Variants in COL26A1 observed in about 807,000 individuals in gnomAD.
COL26A1 encodes the protein collagen type XXVI alpha 1 chain, also known as collagen alpha-1(XXVI) chain.
COL26A1 carries 41 observed loss-of-function variants against 59.3 expected under a neutral mutation model. That is an observed-to-expected ratio of 0.69 (90% CI 0.54 to 0.90). The LOEUF (loss-of-function observed/expected upper bound fraction) is 0.90. Ranked by LOEUF, COL26A1 falls within the 40% of genes least tolerant of loss-of-function variation. COL26A1 has a pLI of 0.00. For missense variants in COL26A1, 612 were observed against 602.3 expected (o/e 1.02, Z -0.17); for synonymous variants, 266 against 256.0 (o/e 1.04, Z -0.37).
intron 3 of COL26A1, among the ~76,000 whole-genome samples, chr7:101,464,753 T>C (rs964683743): frequency 6.6e-6 from 1 of 151,994 alleles, no homozygotes; most frequent in Non-Finnish European, 1.5e-5. Context: ...TTGGAGACAG[T>C]GTCTTGCTCG....
At chr7:101,420,190 G>A (rs1792479451) in intron 2 of COL26A1, 91 bp downstream of exon 2, 1 of 1,503,912 alleles carries the variant, frequency 6.6e-7, no homozygotes, top group Non-Finnish European at 9.1e-7. Flanking sequence ...AGGCTGGGCT[G>A]TGCTCACAGA....
Position 101,483,767 on chromosome 7 carries a change from C to T in COL26A1, c.385+35980C>T, listed in dbSNP as rs192129369. ...TCAGCTCACTGCAACCTCCACCTCC[C>T]GGGTTCAAGTGGTTCTCCTGCCTCA... is the stretch of plus-strand genomic sequence containing the variant. On this transcript the variant is annotated intron_variant, in intron 3 of 12. Transcript: ENST00000313669. Among the ~76,000 whole-genome samples, 22 of 151,282 alleles carry T rather than the reference C, an allele frequency of 1.5e-4. No homozygotes were observed. The East Asian group carries it at 3.9e-3, about 27-fold the overall frequency.
At chr7:101,365,819 G>C (rs10953335) in intron 1 of COL26A1, among the ~76,000 whole-genome samples, 86,939 of 150,456 alleles carry the variant, frequency 0.58, 26,447 homozygotes, top group African/African-American at 0.79. Context: ...GGTGTGGGAA[G>C]GAAAAAAAAA....
intron 3 of COL26A1, among the ~76,000 whole-genome samples, chr7:101,473,078 T>G (rs1438749546): frequency 6.7e-6 from 1 of 148,326 alleles, no homozygotes; most frequent in Non-Finnish European, 1.5e-5. Flanking sequence ...GGTTGCATCT[T>G]TTTTTTTTTC....
intron 3 of COL26A1, among the ~76,000 whole-genome samples, chr7:101,473,594 G>A (rs1584439415): frequency 1.3e-5 from 2 of 148,334 alleles, no homozygotes; most frequent in South Asian, 2.1e-4. Context: ...AGGCAACAGA[G>A]CAACACCTTG....
At chr7:101,368,701 G>A (rs1430310368) in intron 1 of COL26A1, among the ~76,000 whole-genome samples, 1 of 152,164 alleles carries the variant, frequency 6.6e-6, no homozygotes, top group Non-Finnish European at 1.5e-5. Context: ...TGGTGAGTGA[G>A]TCTTATGGGG....
intron 1 of COL26A1, among the ~76,000 whole-genome samples, chr7:101,382,016 G>A (rs1385775934): frequency 6.6e-6 from 1 of 152,054 alleles, no homozygotes; most frequent in Non-Finnish European, 1.5e-5. Flanking sequence ...ATTAGAGCAT[G>A]GATTTTCCAT....
intron 3 of COL26A1, among the ~76,000 whole-genome samples, chr7:101,509,313 G>C (rs909634397): frequency 1.3e-5 from 2 of 151,888 alleles, no homozygotes; most frequent in African/African-American, 4.8e-5. Flanking sequence ...AGACGTGGTA[G>C]CAGGCGCCTG....
At chr7:101,378,449 GA>G (rs2117023247) in intron 1 of COL26A1, among the ~76,000 whole-genome samples, 1 of 152,244 alleles carries the variant, frequency 6.6e-6, no homozygotes, top group South Asian at 2.1e-4. Context: ...TTGAACCGGG[GA>G]GGCAGAGGTT....
In COL26A1 at chr7:101,441,887, C is replaced by T. The variant is rs543513035; in HGVS notation, c.282-5797C>T. On this transcript the variant is annotated intron_variant, in intron 2 of 12. Transcript: ENST00000313669. ...CATCCATGCACCCCTCCTGCACTCACAGCCTTACACCAGGCATCCTGGTCT... is the reference window on the plus strand; with the variant it reads ...CATCCATGCACCCCTCCTGCACTCATAGCCTTACACCAGGCATCCTGGTCT... Among the ~76,000 whole-genome samples the T allele has an allele frequency of 2.0e-5, 3 of 152,296 alleles. No homozygotes were observed. The South Asian group carries it at 6.2e-4, about 32-fold the overall frequency.
chr7:101,547,188 G>T lies in COL26A1; in HGVS notation c.889G>T (p.Asp297Tyr). Residue 297 changes from aspartate to tyrosine, a missense_variant, in exon 8 of 13, where the codon GAC (aspartate) becomes TAC (tyrosine). Asp to Tyr is a radical substitution (Grantham distance 160, BLOSUM62 -3). Transcript: ENST00000313669. ...CTCAAGGCTGGCCTCTGCCATCGTG[G>T]ACACAGTGCTGGCAGGTGTCCCAGG... Reference protein sequence around the residue: ...GDSRLASAIVDTVLAGVPGPR... With the variant: ...GDSRLASAIVYTVLAGVPGPR... 6.3e-7 allele frequency: 1 copy of T among 1,599,388 alleles called. No homozygotes were observed.
chr7:101,468,391 C>T (rs1793815414), intron 3 of COL26A1, among the ~76,000 whole-genome samples: 1 of 152,176 alleles, frequency 6.6e-6, no homozygotes, highest in African/African-American at 2.4e-5. Context: ...CACTATCTGC[C>T]TAAAGAATTT....
chr7:101,427,138 G>A (rs1391239237), intron 2 of COL26A1, among the ~76,000 whole-genome samples: 1 of 152,158 alleles, frequency 6.6e-6, no homozygotes, highest in Non-Finnish European at 1.5e-5. Flanking sequence ...AGCTCACTTT[G>A]GCCTCGAATG....
chr7:101,395,569 G>A (rs1172973834), intron 1 of COL26A1, among the ~76,000 whole-genome samples: 2 of 152,202 alleles, frequency 1.3e-5, no homozygotes, highest in Admixed American at 6.5e-5. Context: ...AGCGGGGCTG[G>A]AGGGAAAATG....
chr7:101,456,325 C>CCTCA (rs1264668452), intron 3 of COL26A1, among the ~76,000 whole-genome samples: 1 of 151,694 alleles, frequency 6.6e-6, no homozygotes, highest in Non-Finnish European at 1.5e-5. Flanking sequence ...AATCCTCCTA[C>CCTCA]CTCAGCCTCC....
chr7:101,385,292 G>A (rs895081186), intron 1 of COL26A1, among the ~76,000 whole-genome samples: 1 of 149,920 alleles, frequency 6.7e-6, no homozygotes, highest in Non-Finnish European at 1.5e-5. Context: ...TAGTATGTGT[G>A]TGTATATACG....
intron 1 of COL26A1, among the ~76,000 whole-genome samples, chr7:101,415,269 C>T (rs1354601441): frequency 6.6e-6 from 1 of 151,988 alleles, no homozygotes; most frequent in Admixed American, 6.6e-5. Context: ...TCTTCTGCCA[C>T]AGCCTCCCCA....
At chr7:101,387,966 C>T (rs866061594) in intron 1 of COL26A1, among the ~76,000 whole-genome samples, 1 of 150,382 alleles carries the variant, frequency 6.6e-6, no homozygotes, top group African/African-American at 2.4e-5. Context: ...AGGGGTTTCA[C>T]CATGTTGGCC....
chr7:101,524,735 G>A (rs895661885), intron 3 of COL26A1, among the ~76,000 whole-genome samples: 14 of 152,074 alleles, frequency 9.2e-5, no homozygotes, highest in Non-Finnish European at 1.6e-4. Context: ...TTTGCTTGTC[G>A]TAGGTAGGAA....
Sources: gnomAD v4.1 joint callset for allele counts (sites outside exome capture counted in the v4.1 genomes callset) on GRCh38, gnomAD v4.1.1 for gene constraint, MANE v1.5 for transcripts, NCBI Gene and HGNC (gene_info 2026-07-23, HGNC 2026-07-21) for gene names.